GPC6: variants seen among roughly 807,000 people sequenced by gnomAD.
The protein encoded by GPC6 is glypican 6, also known as glypican-6.
GPC6 carries 14 observed loss-of-function variants against 55.2 expected under a neutral mutation model. The observed-to-expected ratio is 0.25, with a 90% CI of 0.17 to 0.40. The LOEUF (loss-of-function observed/expected upper bound fraction) is 0.40, where lower values mean the gene tolerates loss of function less well. GPC6 is among the 10% of genes least tolerant of loss of function. The pLI, the probability that GPC6 is intolerant of heterozygous loss-of-function variation, is 1.00. For missense variants in GPC6, 641 were observed against 708.5 expected, an observed-to-expected ratio of 0.90 and a Z score of 1.08; for synonymous variants, 278 against 259.6, an observed-to-expected ratio of 1.07 and a Z score of -0.68.
chr13:93,451,042 G>C (rs558517489), intron 1 of GPC6, among the ~76,000 whole-genome samples: 1 of 152,274 alleles, frequency 6.6e-6, no homozygotes, highest in African/African-American at 2.4e-5. Context: ...AGTTATTTAA[G>C]GGCAAGATCT....
intron 1 of GPC6, among the ~76,000 whole-genome samples, chr13:93,391,874 C>T (rs112510321): frequency 1.5e-4 from 23 of 152,166 alleles, no homozygotes; most frequent in African/African-American, 5.1e-4. Flanking sequence ...TAGATGGACC[C>T]TCATAGTGTT....
intron 4 of GPC6, among the ~76,000 whole-genome samples, chr13:94,251,143 C>A (rs1342640626): frequency 5.9e-5 from 9 of 152,036 alleles, no homozygotes; most frequent in African/African-American, 2.2e-4. Flanking sequence ...GGAATGAGGT[C>A]ATGTCCTTTG....
At chr13:93,766,716 A>C (rs897169218) in intron 2 of GPC6, among the ~76,000 whole-genome samples, 2 of 152,158 alleles carry the variant, frequency 1.3e-5, no homozygotes, top group South Asian at 2.1e-4. Context: ...GATATTCTCC[A>C]TAAGCATTAT....
intron 4 of GPC6, among the ~76,000 whole-genome samples, chr13:94,272,111 T>C (rs1430409678): frequency 6.6e-6 from 1 of 152,040 alleles, no homozygotes; most frequent in Non-Finnish European, 1.5e-5. Flanking sequence ...ATAATACCAG[T>C]ATGCACAGAA....
At chr13:93,857,172 A>AT (rs1217408865) in intron 3 of GPC6, among the ~76,000 whole-genome samples, 1 of 151,626 alleles carries the variant, frequency 6.6e-6, no homozygotes, top group Non-Finnish European at 1.5e-5. Flanking sequence ...AAAAAGGAAA[A>AT]TAGATCACAA....
chr13:93,835,750 C>CTAAA (rs970032893), intron 3 of GPC6, among the ~76,000 whole-genome samples: 72 of 151,940 alleles, frequency 4.7e-4, no homozygotes, highest in Admixed American at 7.9e-4. Context: ...AAAACTCCTT[C>CTAAA]TAAATAAATA....
intron 1 of GPC6, among the ~76,000 whole-genome samples, chr13:93,539,823 C>T (rs1882215767): frequency 6.6e-6 from 1 of 151,806 alleles, no homozygotes. Context: ...TCCCAAGTAG[C>T]TGGGATTACA....
chr13:94,069,265 T>A (rs1884645167), intron 4 of GPC6, among the ~76,000 whole-genome samples: 1 of 152,162 alleles, frequency 6.6e-6, no homozygotes, highest in Admixed American at 6.5e-5. Flanking sequence ...CTTGGTCCCT[T>A]TTAGTCATGG....
intron 3 of GPC6, among the ~76,000 whole-genome samples, chr13:93,987,124 A>G (rs1356677526): frequency 2.0e-5 from 3 of 152,186 alleles, no homozygotes; most frequent in African/African-American, 4.8e-5. Context: ...AGAATGTGAT[A>G]AAGATCAAAA....
chr13:94,095,149 T>C (rs1234696652), intron 4 of GPC6, among the ~76,000 whole-genome samples: 2 of 152,082 alleles, frequency 1.3e-5, no homozygotes, highest in East Asian at 1.9e-4. Flanking sequence ...AAGGTATATA[T>C]AGGTAAAATC....
intron 3 of GPC6, among the ~76,000 whole-genome samples, chr13:93,905,865 A>G (rs1002888518): frequency 4.6e-5 from 7 of 152,222 alleles, no homozygotes; most frequent in Non-Finnish European, 5.9e-5. Flanking sequence ...GAGATAAAGT[A>G]TGAAGAAGGT....
At chr13:93,888,950 A>T (rs1875502335) in intron 3 of GPC6, among the ~76,000 whole-genome samples, 1 of 152,128 alleles carries the variant, frequency 6.6e-6, no homozygotes, top group Non-Finnish European at 1.5e-5. Context: ...AGTAATTTTG[A>T]GCACAAAAGA....
chr13:93,260,247 A>G (rs1877095849), intron 1 of GPC6, among the ~76,000 whole-genome samples: 2 of 152,238 alleles, frequency 1.3e-5, no homozygotes, highest in South Asian at 4.1e-4. Flanking sequence ...ATCTATGCCA[A>G]TGTATTACTA....
chr13:93,628,193 A>C (rs74995571), intron 2 of GPC6, among the ~76,000 whole-genome samples: 259 of 152,320 alleles, frequency 1.7e-3, no homozygotes, highest in Non-Finnish European at 3.0e-3. Context: ...TGATCAATTT[A>C]TTAGTTGTCT....
chr13:93,376,619 T>C (rs370586828), intron 1 of GPC6, among the ~76,000 whole-genome samples: 2 of 152,188 alleles, frequency 1.3e-5, no homozygotes, highest in Non-Finnish European at 2.9e-5. Flanking sequence ...ACACCCGACA[T>C]GATTGTAAAT....
chr13:94,234,724 C>T (rs533639816), intron 4 of GPC6, among the ~76,000 whole-genome samples: 5 of 152,096 alleles, frequency 3.3e-5, no homozygotes, highest in African/African-American at 1.2e-4. Context: ...CTCTTCCTCC[C>T]AGGAATTAAC....
intron 1 of GPC6, among the ~76,000 whole-genome samples, chr13:93,449,490 A>G (rs891027717): frequency 4.2e-5 from 6 of 142,758 alleles, no homozygotes; most frequent in Non-Finnish European, 8.0e-5. Flanking sequence ...CTCCATGGAT[A>G]CAAATAATAA....
intron 6 of GPC6, among the ~76,000 whole-genome samples, chr13:94,308,282 G>A (rs1447646736): frequency 6.6e-6 from 1 of 152,160 alleles, no homozygotes; most frequent in Non-Finnish European, 1.5e-5. Context: ...CATAAACTAA[G>A]TAAAGCATCA....
intron 3 of GPC6, among the ~76,000 whole-genome samples, chr13:93,857,844 T>C (rs1888672565): frequency 6.6e-6 from 1 of 151,346 alleles, no homozygotes; most frequent in South Asian, 2.1e-4. Context: ...GAAATATAAG[T>C]GCCAAACTAT....
Sources: allele counts gnomAD v4.1 joint callset (sites outside exome capture counted in the v4.1 genomes callset), GRCh38; gene constraint gnomAD v4.1.1; transcripts MANE v1.5; gene names NCBI Gene and HGNC (gene_info 2026-07-23, HGNC 2026-07-21).